Variants in NT5DC1 observed in about 807,000 individuals in gnomAD.
NT5DC1 encodes 5'-nucleotidase domain containing 1.
In NT5DC1, 42 loss-of-function variants were observed where a neutral mutation model predicts 59.4. The observed-to-expected ratio is 0.71, with a 90% CI of 0.55 to 0.92. The LOEUF (loss-of-function observed/expected upper bound fraction) is 0.92. Among genes scored for constraint, NT5DC1 ranks in the 40% least tolerant of loss-of-function variants. The pLI is 0.00. For synonymous variants in NT5DC1, 172 were observed against 188.1 expected (o/e 0.91, Z 0.70); for missense variants, 501 against 537.1 (o/e 0.93, Z 0.66).
At chr6:116,134,621 C>T (rs920041529) in intron 6 of NT5DC1, among the ~76,000 whole-genome samples, 1 of 152,128 alleles carries the variant, frequency 6.6e-6, no homozygotes, top group Non-Finnish European at 1.5e-5. Flanking sequence ...TCGCATGGTG[C>T]TGGTTTGGAC....
chr6:116,119,755 T>TA (rs1002584768), intron 6 of NT5DC1: 2 of 243,072 alleles, frequency 8.2e-6, no homozygotes, highest in African/African-American at 4.6e-5. Flanking sequence ...TTTTTTTTTT[T>TA]AATTTTTTTT....
intron 1 of NT5DC1, among the ~76,000 whole-genome samples, chr6:116,103,892 T>TA (rs1197842899): frequency 4.0e-5 from 6 of 151,550 alleles, no homozygotes; most frequent in Non-Finnish European, 8.8e-5. Flanking sequence ...ATGCTTATAC[T>TA]AAAAAAAAAT....
intron 6 of NT5DC1, among the ~76,000 whole-genome samples, chr6:116,142,273 T>C (rs1779786497): frequency 6.6e-6 from 1 of 151,904 alleles, no homozygotes; most frequent in African/African-American, 2.4e-5. Context: ...TTTGATTAAA[T>C]TCTATTTTTG....
chr6:116,158,655 G>C (rs1780259865), intron 6 of NT5DC1: 1 of 152,176 alleles, frequency 6.6e-6, no homozygotes, highest in Non-Finnish European at 1.5e-5. Flanking sequence ...GTTGTTGGCT[G>C]CTCTTTAAAA....
chr6:116,125,682 T>A, intron 6 of NT5DC1: 1 of 520,992 alleles, frequency 1.9e-6, no homozygotes, highest in South Asian at 2.3e-5. Context: ...TGAATATATG[T>A]CTTAGTTATT....
intron 6 of NT5DC1, among the ~76,000 whole-genome samples, chr6:116,206,802 C>T (rs1374444397): frequency 1.3e-5 from 2 of 151,934 alleles, no homozygotes; most frequent in Non-Finnish European, 2.9e-5. Flanking sequence ...GTTAATTGGT[C>T]GAAGTCTAGT....
chr6:116,184,756 C>T (rs1248442451), intron 6 of NT5DC1, among the ~76,000 whole-genome samples: 1 of 151,930 alleles, frequency 6.6e-6, no homozygotes, highest in Non-Finnish European at 1.5e-5. Context: ...TCTAATTGAG[C>T]TTATTTGGTT....
intron 6 of NT5DC1, among the ~76,000 whole-genome samples, chr6:116,127,498 C>G (rs750831987): frequency 6.6e-6 from 1 of 151,982 alleles, no homozygotes; most frequent in Non-Finnish European, 1.5e-5. Context: ...GTTTATAATT[C>G]ATCATTTGGA....
chr6:116,246,912 T>C lies in NT5DC1; in HGVS notation c.*2888T>C, dbSNP rs1771859564. 1 of 152,214 alleles carries C rather than the reference T, an allele frequency of 6.6e-6. No homozygotes were observed. The highest frequency in any genetic ancestry group is 2.4e-5 in the African/African-American group (1 of 41,468). The allele number at this position is 152,214 out of a possible 1,614,324, so 9.4% of individuals were successfully genotyped here. A position where few individuals can be genotyped will look rare whatever the true frequency, so the allele number is the denominator to read the frequency against. On this transcript the variant is annotated 3_prime_UTR_variant, in exon 12 of 12. Coordinates refer to ENST00000319550, the MANE Select transcript of NT5DC1 (RefSeq NM_152729.3). ...AGAAATAATAGTAAAACAGTGGTCA[T>C]GAGTAGCCTCACTAGGCTACTTCAT...
intron 6 of NT5DC1, 48 bp from the exon 7 acceptor site, chr6:116,221,006 C>A: frequency 1.1e-6 from 1 of 899,340 alleles, no homozygotes; most frequent in Non-Finnish European, 1.8e-6. Context: ...TATATTTAGT[C>A]AAAAAATGTT....
In NT5DC1 at chr6:116,229,562, G is replaced by A. The variant is rs540407872; in HGVS notation, c.802+6431G>A. ...TTAAGGATGTATGGAGGGGAGAAGC[G>A]TCTTCCAAGCAAAATCTTCATCCTC... is the stretch of plus-strand genomic sequence containing the variant. On this transcript the variant is annotated intron_variant, in intron 8 of 11. Transcript: ENST00000319550. Among the ~76,000 whole-genome samples the A allele has an allele frequency of 5.3e-5, 8 of 152,262 alleles. No homozygotes were observed. The East Asian group carries it at 1.4e-3, about 26-fold the overall frequency.
intron 8 of NT5DC1, among the ~76,000 whole-genome samples, chr6:116,229,663 T>A (rs1450260296): frequency 6.6e-6 from 1 of 152,156 alleles, no homozygotes; most frequent in African/African-American, 2.4e-5. Flanking sequence ...ATCTCTGACT[T>A]GCAAGATTAA....
chr6:116,121,212 C>G (rs1342659210), intron 6 of NT5DC1: 16 of 1,613,774 alleles, frequency 9.9e-6, no homozygotes, highest in Non-Finnish European at 1.4e-5. Flanking sequence ...CCTGGCAAGC[C>G]TGGTTTCCCA....
At chr6:116,120,062 T>C (rs764674376) in intron 6 of NT5DC1, 7 of 1,223,860 alleles carry the variant, frequency 5.7e-6, no homozygotes, top group Non-Finnish European at 7.7e-6. Flanking sequence ...TTAGATTAGC[T>C]CTGTGTGTAC....
intron 6 of NT5DC1, among the ~76,000 whole-genome samples, chr6:116,182,548 A>AT (rs897501278): frequency 4.0e-5 from 6 of 151,094 alleles, no homozygotes; most frequent in South Asian, 4.2e-4. Flanking sequence ...GCCAACACCT[A>AT]TTTTTTTTTA....
At chr6:116,227,108 C>T (rs187677955) in intron 8 of NT5DC1, among the ~76,000 whole-genome samples, 24 of 152,164 alleles carry the variant, frequency 1.6e-4, no homozygotes, top group Admixed American at 2.6e-4. Flanking sequence ...AATTTTGTGT[C>T]CTTTGACCAA....
intron 6 of NT5DC1, among the ~76,000 whole-genome samples, chr6:116,211,888 C>A (rs1781587501): frequency 6.6e-6 from 1 of 151,886 alleles, no homozygotes; most frequent in African/African-American, 2.4e-5. Context: ...TGCTCTGATC[C>A]CCCAACACAC....
chr6:116,113,186 T>C (rs1222583795), intron 4 of NT5DC1, among the ~76,000 whole-genome samples: 1 of 152,230 alleles, frequency 6.6e-6, no homozygotes, highest in African/African-American at 2.4e-5. Context: ...GCTCTGTTAT[T>C]TGCTGGATAA....
chr6:116,112,818 A>G (rs1234425781), intron 4 of NT5DC1, among the ~76,000 whole-genome samples: 2 of 152,214 alleles, frequency 1.3e-5, no homozygotes, highest in African/African-American at 2.4e-5. Flanking sequence ...ATTTTGGTAA[A>G]TATTGCCAAA....
Sources: gnomAD v4.1 joint callset for allele counts (sites outside exome capture counted in the v4.1 genomes callset) on GRCh38, gnomAD v4.1.1 for gene constraint, MANE v1.5 for transcripts, NCBI Gene and HGNC (gene_info 2026-07-23, HGNC 2026-07-21) for gene names.